Variants in NISCH observed in about 807,000 individuals in gnomAD.
NISCH encodes I-1 receptor candidate protein.
A neutral mutation model predicts 138.4 loss-of-function variants in NISCH; 55 were observed. That is an observed-to-expected ratio of 0.40 (90% confidence interval 0.32 to 0.50). The LOEUF is 0.50. Ranked by LOEUF, NISCH falls within the 20% of genes least tolerant of loss-of-function variation. NISCH has a pLI of 0.71. For missense variants in NISCH, 1,643 were observed against 2,005.5 expected (o/e 0.82, Z 3.45); for synonymous variants, 860 against 861.5 (o/e 1.00, Z 0.03).
intron 13 of NISCH, chr3:52,481,437 C>G: frequency 1.0e-6 from 1 of 985,812 alleles, no homozygotes; most frequent in Non-Finnish European, 1.2e-6. Context: ...CTGTCAGACT[C>G]TTGACTAAGG....
rs148434820 is a variant in NISCH, at chr3:52,487,506, G to A, written c.2014G>A (p.Glu672Lys). 3.2e-3 allele frequency: 5,175 copies of A among 1,597,620 alleles called. 14 individuals carry two copies. Among genetic ancestry groups the A allele is most frequent in the Admixed American group, 4.0e-3 (237 of 59,364 alleles). Residue 672 changes from glutamate (E) to lysine (K), a missense_variant, in exon 16 of 21, where the codon GAG (glutamate) becomes AAG (lysine). Physicochemically the swap from Glu to Lys is moderately conservative, Grantham distance 56 (BLOSUM62 1). Transcript: ENST00000345716. The surrounding 1 kb of genome is among the most constrained non-coding windows in gnomAD (Gnocchi z 9.1). ...VEEEEGGGQG[E>K]EEEEEEEDEE... ...GGAGGAGGAGGGAGGAGGCCAGGGG[G>A]AGGAAGAGGAGGAGGAAGAGGAGGA...
In NISCH at chr3:52,471,938, G is replaced by C. The variant is rs1268482625; in HGVS notation, c.534G>C (p.Gly178=). The C allele has an allele frequency of 1.2e-6, 2 of 1,610,366 alleles. No individual in the cohort carries two copies. Among genetic ancestry groups the C allele is most frequent in the Non-Finnish European group, 1.7e-6 (2 of 1,177,582 alleles). The change falls in exon 5 of 21, where the codon GGG becomes GGC. Residue 178 remains glycine, a synonymous_variant. Coordinates refer to ENST00000345716, the MANE Select transcript of NISCH (RefSeq NM_007184.4). ...CASGDAKTDL[G]HILDFTCRLK... ...GTGGGGATGCCAAGACCGACCTCGG[G>C]CACATCCTGGACTTCACCTGTCGCC... is the stretch of plus-strand genomic sequence containing the variant.
intron 5 of NISCH, 120 bp downstream of exon 5, chr3:52,472,097 C>T (rs1392946721): frequency 1.1e-5 from 13 of 1,166,516 alleles, no homozygotes; most frequent in African/African-American, 3.1e-5. Context: ...GAAGGAAGGC[C>T]GCCCGGTTAT....
intron 13 of NISCH, chr3:52,482,059 TC>T (rs1707290674): frequency 3.2e-6 from 1 of 310,104 alleles, no homozygotes; most frequent in Non-Finnish European, 4.7e-6. Context: ...AGATAGACTG[TC>T]CCTGTCCCTG....
Position 52,488,528 on chromosome 3 carries a change from C to G in NISCH, c.3036C>G (p.Val1012=). The G allele has an allele frequency of 6.2e-7, 1 of 1,613,172 alleles. No individual in the cohort carries two copies. Among genetic ancestry groups the G allele is most frequent in the East Asian group, 2.2e-5 (1 of 44,880 alleles). The change falls in exon 16 of 21, where the codon GTC becomes GTG. Residue 1012 remains valine, a synonymous_variant. Coordinates refer to ENST00000345716, the MANE Select transcript of NISCH (RefSeq NM_007184.4). ...CGCTGCAGGACCTGAAGACTGTGGT[C>G]ATCGCCAAGACCCCCGGGACGGGAG... ...RASLQDLKTV[V]IAKTPGTGGS...
intron 13 of NISCH, chr3:52,482,012 C>A (rs1707289457): frequency 1.3e-6 from 1 of 772,864 alleles, no homozygotes; most frequent in Non-Finnish European, 1.6e-6. Context: ...CCCTTTCTGA[C>A]CACTTGTTTG....
intron 1 of NISCH, among the ~76,000 whole-genome samples, chr3:52,457,248 A>G (rs1036622460): frequency 3.9e-5 from 6 of 152,208 alleles, no homozygotes; most frequent in Admixed American, 2.0e-4. Flanking sequence ...CCTCTAGGCC[A>G]TATTGCCTCC....
chr3:52,484,251 C>T (rs1218157494), intron 13 of NISCH: 1 of 423,002 alleles, frequency 2.4e-6, no homozygotes, highest in Non-Finnish European at 4.3e-6. Context: ...TATGTAGTCA[C>T]ATCTCAGTTT....
intron 3 of NISCH, among the ~76,000 whole-genome samples, chr3:52,468,715 T>G (rs1236590695): frequency 1.3e-5 from 2 of 152,194 alleles, no homozygotes; most frequent in African/African-American, 4.8e-5. Flanking sequence ...GCTGTGGCTC[T>G]GTGTGCTCAT....
chr3:52,486,571 G>C (rs1707407301), intron 15 of NISCH: 1 of 152,302 alleles, frequency 6.6e-6, no homozygotes, highest in East Asian at 1.9e-4. Context: ...CACCACACCT[G>C]GCTAATTTTT....
chr3:52,483,984 G>T (rs1707343486), intron 13 of NISCH, among the ~76,000 whole-genome samples: 1 of 152,246 alleles, frequency 6.6e-6, no homozygotes, highest in South Asian at 2.1e-4. Context: ...GTTTCAGCTT[G>T]CCTTTCTTTG....
rs140642470 is a variant in NISCH, at chr3:52,482,444, G to A, written c.1529-2069G>A. 3.5e-3 allele frequency among the ~76,000 whole-genome samples: 529 copies of A among 152,338 alleles called. 4 individuals carry two copies. Among genetic ancestry groups the A allele is most frequent in the South Asian group, 0.019 (91 of 4,832 alleles). On this transcript the variant is annotated intron_variant, in intron 13 of 20. Transcript: ENST00000345716. ...CAGGCCCAGGGGCTGAGAGGAGGCT[G>A]TGTGGAGAGGTGGTTAGGAGCCAGG...
In NISCH at chr3:52,492,705, G is replaced by GGT. The variant is rs1707603508; in HGVS notation, c.*225_*226dup. The stretch of plus-strand genomic sequence containing the variant: ...GTCGGTGTGCTGTCAGCCTCCCACA[G>GGT]GTGGTACAGCCGTGCACACCAGTGT... On this transcript the variant is annotated 3_prime_UTR_variant, in exon 21 of 21. Coordinates refer to ENST00000345716, the MANE Select transcript of NISCH (RefSeq NM_007184.4). The GGT allele has an allele frequency of 1.6e-6, 1 of 613,902 alleles. No homozygotes were observed. Among genetic ancestry groups the GGT allele is most frequent in the East Asian group, 2.8e-5 (1 of 35,784 alleles). 38.0% of individuals were successfully genotyped at this position (613,902 alleles called of 1,614,324 possible).
chr3:52,480,972 G>A, intron 13 of NISCH: 3 of 1,480,934 alleles, frequency 2.0e-6, no homozygotes, highest in Non-Finnish European at 2.7e-6. Flanking sequence ...GTCCCGAGTG[G>A]AGCCGAGGCT....
intron 3 of NISCH, among the ~76,000 whole-genome samples, chr3:52,468,788 A>G (rs1399121926): frequency 6.6e-6 from 1 of 152,124 alleles, no homozygotes; most frequent in African/African-American, 2.4e-5. Context: ...CTGTATATAA[A>G]CTGAATTTCA....
Position 52,478,446 on chromosome 3 carries a change from C to T in NISCH, c.1174-3C>T, listed in dbSNP as rs1267340690. The T allele has an allele frequency of 6.2e-7, 1 of 1,614,188 alleles. No individual in the cohort carries two copies. Among genetic ancestry groups the T allele is most frequent in the African/African-American group, 1.3e-5 (1 of 75,044 alleles). Reference sequence around the variant, plus strand: ...CAAAGGGGATGGAACTCATACCTTGCAGATGGAGGAGGTCCGGAGCATAGG... The same window carrying T: ...CAAAGGGGATGGAACTCATACCTTGTAGATGGAGGAGGTCCGGAGCATAGG... On this transcript the variant is annotated splice_region_variant and splice_polypyrimidine_tract_variant and intron_variant, in intron 10 of 20. Coordinates refer to ENST00000345716, the MANE Select transcript of NISCH (RefSeq NM_007184.4).
At chr3:52,463,834 G>T (rs1174363679) in intron 3 of NISCH, among the ~76,000 whole-genome samples, 3 of 140,104 alleles carry the variant, frequency 2.1e-5, no homozygotes, top group Non-Finnish European at 3.0e-5. Flanking sequence ...AGCGATTCTC[G>T]TGCCTCAGCC....
At chr3:52,480,744 G>A in intron 13 of NISCH, 2 of 1,428,550 alleles carry the variant, frequency 1.4e-6, no homozygotes, top group East Asian at 2.6e-5. Context: ...TCTCTGTGGG[G>A]TGACCCAGCC....
At chr3:52,481,107 C>T (rs1707258561) in intron 13 of NISCH, 2 of 1,297,978 alleles carry the variant, frequency 1.5e-6, no homozygotes, top group Non-Finnish European at 2.0e-6. Context: ...ACCCCTTGAC[C>T]TGGTAACCCC....
Sources: allele counts gnomAD v4.1 joint callset (sites outside exome capture counted in the v4.1 genomes callset), GRCh38; gene constraint gnomAD v4.1.1; non-coding constraint Gnocchi (gnomAD v3.1); transcripts MANE v1.5; gene names NCBI Gene and HGNC (gene_info 2026-07-23, HGNC 2026-07-21).